Variants in DLGAP2 observed in about 807,000 individuals in gnomAD.
The protein encoded by DLGAP2 is DLG associated protein 2.
In DLGAP2, 26 loss-of-function variants were observed where a neutral mutation model predicts 100.3. That is an observed-to-expected ratio of 0.26 (90% CI 0.19 to 0.36). DLGAP2 has a LOEUF of 0.36. Ranked by LOEUF, DLGAP2 falls within the 10% of genes least tolerant of loss-of-function variation. The pLI is 1.00. For synonymous variants in DLGAP2, 886 were observed against 630.1 expected, an observed-to-expected ratio of 1.41 and a Z score of -6.08; for missense variants, 1,858 against 1,453.2, an observed-to-expected ratio of 1.28 and a Z score of -4.53.
At chr8:1,464,779 C>T (rs1479017916) in intron 3 of DLGAP2, among the ~76,000 whole-genome samples, 1 of 152,152 alleles carries the variant, frequency 6.6e-6, no homozygotes, top group Non-Finnish European at 1.5e-5. Flanking sequence ...TGGCCTCCAG[C>T]GAAGCACCGG....
At chr8:1,039,937 C>T (rs1395683338) in intron 2 of DLGAP2, among the ~76,000 whole-genome samples, 12 of 147,570 alleles carry the variant, frequency 8.1e-5, no homozygotes, top group Non-Finnish European at 1.0e-4. Flanking sequence ...TGTGCATGGT[C>T]GGCTCAGTTT....
chr8:1,525,932 G>A (rs1453231618), intron 4 of DLGAP2, among the ~76,000 whole-genome samples: 2 of 152,144 alleles, frequency 1.3e-5, no homozygotes, highest in African/African-American at 4.8e-5. Flanking sequence ...TCCCTCTTCT[G>A]AAATGCTTGG....
intron 2 of DLGAP2, among the ~76,000 whole-genome samples, chr8:946,536 T>G (rs982854854): frequency 6.6e-6 from 1 of 152,210 alleles, no homozygotes; most frequent in African/African-American, 2.4e-5. Context: ...GTGCTGGGAT[T>G]ACAGGCGTGA....
chr8:1,139,834 C>T (rs1236414236), intron 2 of DLGAP2, among the ~76,000 whole-genome samples: 1 of 151,912 alleles, frequency 6.6e-6, no homozygotes, highest in East Asian at 1.9e-4. Flanking sequence ...TTTTAATTCT[C>T]ATAAGGGGTC....
chr8:1,095,586 G>A (rs948975109), intron 2 of DLGAP2, among the ~76,000 whole-genome samples: 3 of 152,166 alleles, frequency 2.0e-5, no homozygotes, highest in South Asian at 4.1e-4. Context: ...GTGAGGCTTG[G>A]GGGTCTTCAA....
chr8:874,309 GTCTT>G (rs1267238161), intron 1 of DLGAP2, among the ~76,000 whole-genome samples: 4 of 151,586 alleles, frequency 2.6e-5, no homozygotes, highest in Non-Finnish European at 5.9e-5. Context: ...TTCATTTGAG[GTCTT>G]TCTTTTTCCT....
intron 4 of DLGAP2, among the ~76,000 whole-genome samples, chr8:1,530,024 C>T (rs565991514): frequency 6.6e-6 from 1 of 152,278 alleles, no homozygotes; most frequent in South Asian, 2.1e-4. Context: ...GACCACAGGA[C>T]GGGAGCGAAA....
chr8:1,485,308 T>C (rs1563177013), intron 3 of DLGAP2, among the ~76,000 whole-genome samples: 1 of 152,248 alleles, frequency 6.6e-6, no homozygotes, highest in Non-Finnish European at 1.5e-5. Context: ...GCAGATTTTT[T>C]CATATCATTT....
chr8:1,000,178 G>A (rs1268958986), intron 2 of DLGAP2, among the ~76,000 whole-genome samples: 4 of 150,654 alleles, frequency 2.7e-5, no homozygotes, highest in Non-Finnish European at 4.4e-5. Flanking sequence ...AGACAGATCC[G>A]GGTGGAGGTG....
intron 3 of DLGAP2, among the ~76,000 whole-genome samples, chr8:1,382,275 A>C (rs1048697001): frequency 6.6e-6 from 1 of 152,266 alleles, no homozygotes; most frequent in Admixed American, 6.5e-5. Context: ...GGATCACCAC[A>C]GAGGCCTTCA....
chr8:1,381,781 T>TGGTG, intron 3 of DLGAP2, among the ~76,000 whole-genome samples: 1 of 88,260 alleles, frequency 1.1e-5, no homozygotes, highest in East Asian at 3.9e-4. Context: ...AGGGTTATTC[T>TGGTG]AGTGTGTGTG....
intron 3 of DLGAP2, among the ~76,000 whole-genome samples, chr8:1,407,824 C>T (rs1268726495): frequency 1.3e-5 from 2 of 148,988 alleles, no homozygotes; most frequent in African/African-American, 2.4e-5. Context: ...GCTTACTGAG[C>T]GCCACCTCCT....
chr8:1,657,478 A>T (rs1207573326), intron 8 of DLGAP2, among the ~76,000 whole-genome samples: 2 of 152,246 alleles, frequency 1.3e-5, no homozygotes, highest in Admixed American at 1.3e-4. Context: ...AATGTGTAAA[A>T]TGCTTTCATT....
chr8:1,638,297 A>C (rs1012936882), intron 8 of DLGAP2, among the ~76,000 whole-genome samples: 1 of 152,174 alleles, frequency 6.6e-6, no homozygotes, highest in African/African-American at 2.4e-5. Flanking sequence ...GCCCAAATCC[A>C]ATCTGTCCGG....
intron 3 of DLGAP2, among the ~76,000 whole-genome samples, chr8:1,419,941 G>A (rs1797043384): frequency 6.6e-6 from 1 of 152,202 alleles, no homozygotes; most frequent in African/African-American, 2.4e-5. Context: ...CAGAAGAATG[G>A]AGAAAGAACA....
intron 2 of DLGAP2, among the ~76,000 whole-genome samples, chr8:1,068,945 C>G (rs1042177645): frequency 6.6e-6 from 1 of 152,112 alleles, no homozygotes; most frequent in East Asian, 1.9e-4. Flanking sequence ...AGGGCAGGTT[C>G]TGGCCTGGCC....
intron 6 of DLGAP2, among the ~76,000 whole-genome samples, chr8:1,613,498 T>A (rs551305571): frequency 6.7e-6 from 1 of 150,314 alleles, no homozygotes; most frequent in South Asian, 2.1e-4. Context: ...CATATGTAAC[T>A]AACCTGCACA....
At chr8:1,026,348 G>A (rs1015479487) in intron 2 of DLGAP2, among the ~76,000 whole-genome samples, 42 of 152,078 alleles carry the variant, frequency 2.8e-4, no homozygotes, top group African/African-American at 8.5e-4. Flanking sequence ...TCAGATTGCC[G>A]TTCACATGGA....
intron 2 of DLGAP2, among the ~76,000 whole-genome samples, chr8:973,827 G>T (rs1372047086): frequency 6.7e-6 from 1 of 149,794 alleles, no homozygotes; most frequent in East Asian, 2.0e-4. Flanking sequence ...GCCCCGCGGC[G>T]GTCCGGGAGG....
Sources: gnomAD v4.1 joint callset for allele counts (sites outside exome capture counted in the v4.1 genomes callset) on GRCh38, gnomAD v4.1.1 for gene constraint, MANE v1.5 for transcripts, NCBI Gene and HGNC (gene_info 2026-07-23, HGNC 2026-07-21) for gene names.